Variants in ATG10 observed in about 807,000 individuals in gnomAD.
ATG10 encodes the protein autophagy related 10, also known as ubiquitin-like-conjugating enzyme ATG10.
A neutral mutation model predicts 32.1 loss-of-function variants in ATG10; 30 were observed. That is an observed-to-expected ratio of 0.94 (90% CI 0.70 to 1.27). The LOEUF is 1.27. Among genes scored for constraint, ATG10 ranks in the 50% most tolerant of loss-of-function variants. The probability of loss-of-function intolerance (pLI) is 0.00; values close to 1 mark genes in which losing one functional copy is unlikely to be tolerated. For synonymous variants in ATG10, 87 were observed against 91.5 expected (o/e 0.95, Z 0.28); for missense variants, 233 against 262.3 (o/e 0.89, Z 0.77).
chr5:82,087,268 A>G (rs2149789211), intron 3 of ATG10, among the ~76,000 whole-genome samples: 2 of 152,326 alleles, frequency 1.3e-5, no homozygotes, highest in South Asian at 4.1e-4. Context: ...AACTAAGCTA[A>G]AGACTGAAGG....
chr5:82,054,026 T>C (rs1181504070), intron 2 of ATG10, among the ~76,000 whole-genome samples: 2 of 152,188 alleles, frequency 1.3e-5, no homozygotes, highest in Non-Finnish European at 1.5e-5. Flanking sequence ...TTTGTGGACT[T>C]CTCTCCTGAG....
At chr5:82,188,073 G>A (rs1397240873) in intron 5 of ATG10, among the ~76,000 whole-genome samples, 1 of 152,130 alleles carries the variant, frequency 6.6e-6, no homozygotes, top group African/African-American at 2.4e-5. Flanking sequence ...AATGGGAGTT[G>A]ATTTATTATT....
chr5:82,017,484 A>G lies in ATG10; in HGVS notation c.108+29806A>G, dbSNP rs200265216. On this transcript the variant is annotated intron_variant, in intron 2 of 7. Coordinates refer to ENST00000282185, the MANE Select transcript of ATG10 (RefSeq NM_031482.5). The stretch of plus-strand genomic sequence containing the variant: ...AAGTGGGCATCCTTGTCTTGTTCCA[A>G]TTCTCAGGGGGAATGCTTTCAACTT... 5.9e-5 allele frequency among the ~76,000 whole-genome samples: 9 copies of G among 152,188 alleles called. No individual in the cohort carries two copies. In the East Asian group the frequency reaches 9.6e-4, roughly 16 times the overall value.
intron 2 of ATG10, among the ~76,000 whole-genome samples, chr5:81,998,549 G>A (rs1460552576): frequency 6.6e-6 from 1 of 152,102 alleles, no homozygotes; most frequent in Non-Finnish European, 1.5e-5. Flanking sequence ...TATGAACCAT[G>A]AATGTAGACA....
intron 3 of ATG10, among the ~76,000 whole-genome samples, chr5:82,141,810 A>T (rs150142509): frequency 6.6e-6 from 1 of 152,014 alleles, no homozygotes; most frequent in Admixed American, 6.5e-5. Context: ...ACACACACAT[A>T]CACACATACA....
intron 3 of ATG10, among the ~76,000 whole-genome samples, chr5:82,108,322 A>G (rs1302993070): frequency 6.6e-6 from 1 of 151,958 alleles, no homozygotes; most frequent in African/African-American, 2.4e-5. Flanking sequence ...GAGTATACAT[A>G]TATATACACA....
chr5:82,006,701 T>C (rs1261689283), intron 2 of ATG10, among the ~76,000 whole-genome samples: 2 of 152,168 alleles, frequency 1.3e-5, no homozygotes. Flanking sequence ...CCACTTTAAG[T>C]ATACAGTACG....
At chr5:82,227,679 A>G (rs149823226) in intron 5 of ATG10, among the ~76,000 whole-genome samples, 323 of 152,124 alleles carry the variant, frequency 2.1e-3, no homozygotes, top group African/African-American at 7.3e-3. Flanking sequence ...CCTGGCCCCA[A>G]TTCATGTTTT....
chr5:82,001,807 GT>G (rs1365304349), intron 2 of ATG10, among the ~76,000 whole-genome samples: 1 of 152,154 alleles, frequency 6.6e-6, no homozygotes, highest in African/African-American at 2.4e-5. Flanking sequence ...TTAAACAAGA[GT>G]TTCTGTACAG....
At position 82,022,953 on chromosome 5, in the gene ATG10, C is replaced by A. The variant is rs1260792580; in HGVS notation, c.108+35275C>A. The stretch of plus-strand genomic sequence containing the variant: ...CTGAAGTTTTATCTATTCCATACCA[C>A]CATTATGTAGCCAACACAATGGATC... On this transcript the variant is annotated intron_variant, in intron 2 of 7. Coordinates refer to ENST00000282185, the MANE Select transcript of ATG10 (RefSeq NM_031482.5). Among the ~76,000 whole-genome samples the A allele has an allele frequency of 3.4e-4, 51 of 151,300 alleles. 1 individual carries two copies. Among genetic ancestry groups the A allele is most frequent in the Admixed American group, 3.4e-3 (51 of 15,176 alleles).
chr5:82,244,492 G>C (rs766806926), intron 5 of ATG10, among the ~76,000 whole-genome samples: 2 of 152,150 alleles, frequency 1.3e-5, no homozygotes, highest in Non-Finnish European at 2.9e-5. Flanking sequence ...TACGGTGCCT[G>C]ATACTGCAGA....
At chr5:82,035,313 TA>T (rs1762883801) in intron 2 of ATG10, among the ~76,000 whole-genome samples, 1 of 152,200 alleles carries the variant, frequency 6.6e-6, no homozygotes, top group South Asian at 2.1e-4. Context: ...CTCCAGAATG[TA>T]AGCTCCATGA....
At chr5:82,215,049 T>G (rs900730540) in intron 5 of ATG10, among the ~76,000 whole-genome samples, 2 of 152,228 alleles carry the variant, frequency 1.3e-5, no homozygotes, top group African/African-American at 4.8e-5. Context: ...AATACACTTA[T>G]AATCTTACAG....
At chr5:81,993,352 TTTC>T (rs1761528676) in intron 2 of ATG10, among the ~76,000 whole-genome samples, 1 of 24,856 alleles carries the variant, frequency 4.0e-5, no homozygotes, top group Non-Finnish European at 7.2e-5. Context: ...TCTTTCTTTC[TTTC>T]TTTCCTTCTT....
chr5:82,048,460 A>G (rs1763294436), intron 2 of ATG10, among the ~76,000 whole-genome samples: 1 of 151,850 alleles, frequency 6.6e-6, no homozygotes, highest in African/African-American at 2.4e-5. Context: ...ATTCCTAGGT[A>G]TTTTTACCAT....
intron 5 of ATG10, among the ~76,000 whole-genome samples, chr5:82,194,974 C>T (rs1457369641): frequency 5.3e-5 from 8 of 152,220 alleles, no homozygotes; most frequent in Admixed American, 3.9e-4. Flanking sequence ...CCAAACTGCA[C>T]ATGTACCAAA....
rs113082643 is a variant in ATG10, at chr5:81,985,831, C to T, written c.-12-1728C>T. On this transcript the variant is annotated intron_variant, in intron 1 of 7. Coordinates refer to ENST00000282185, the MANE Select transcript of ATG10 (RefSeq NM_031482.5). ...AGGCTGTAGTGCAGTGGCGCGATCT[C>T]GGCTCACTGCAAGCTCCGCCTCCCG... Among the ~76,000 whole-genome samples, 806 of 152,306 alleles carry T rather than the reference C, an allele frequency of 5.3e-3. 1 individual carries two copies. The highest frequency in any genetic ancestry group is 9.4e-3 in the Non-Finnish European group (640 of 68,020).
chr5:81,996,477 C>T (rs548183800), intron 2 of ATG10, among the ~76,000 whole-genome samples: 4 of 152,200 alleles, frequency 2.6e-5, no homozygotes, highest in South Asian at 2.1e-4. Context: ...TGGCCTCAAG[C>T]GATCCTCCCA....
At chr5:82,228,647 G>A (rs998720049) in intron 5 of ATG10, among the ~76,000 whole-genome samples, 3 of 152,176 alleles carry the variant, frequency 2.0e-5, no homozygotes, top group African/African-American at 7.2e-5. Context: ...TTAAGATAAT[G>A]ATGTAATATT....
Sources: gnomAD v4.1 joint callset for allele counts (sites outside exome capture counted in the v4.1 genomes callset) on GRCh38, gnomAD v4.1.1 for gene constraint, MANE v1.5 for transcripts, NCBI Gene and HGNC (gene_info 2026-07-23, HGNC 2026-07-21) for gene names.